The following UTS2 variants were observed in gnomAD, a reference collection of about 807,000 sequenced individuals.
UTS2 encodes urotensin 2.
UTS2 carries 10 observed loss-of-function variants against 12.6 expected under a neutral mutation model. The ratio of observed to expected loss-of-function variants is 0.80; its 90% CI spans 0.49 to 1.35. The LOEUF is 1.35. Ranked by LOEUF, UTS2 falls within the 40% of genes most tolerant of loss-of-function variation. The pLI is 0.00. For missense variants in UTS2, 142 were observed against 143.2 expected (o/e 0.99, Z 0.04); for synonymous variants, 52 against 50.0 (o/e 1.04, Z -0.17).
chr1:7,891,589 A>AAAGAAAG, the UTS2 span, among the ~76,000 whole-genome samples: 4 of 150,880 alleles, frequency 2.7e-5, no homozygotes, highest in African/African-American at 9.8e-5. Flanking sequence ...AGAAAGAAAG[A>AAAGAAAG]AAGAAAGAAA....
At chr1:7,912,046 A>G in the UTS2 span, among the ~76,000 whole-genome samples, 1 of 152,186 alleles carries the variant, frequency 6.6e-6, no homozygotes, top group African/African-American at 2.4e-5. Flanking sequence ...CTGGTCAAAT[A>G]CCATCTTATC....
At chr1:7,885,701 G>A in the UTS2 span, among the ~76,000 whole-genome samples, 1 of 152,058 alleles carries the variant, frequency 6.6e-6, no homozygotes, top group African/African-American at 2.4e-5. Context: ...GAGGGGCGGG[G>A]CCAAGGAGTG....
chr1:7,912,829 A>C, the UTS2 span, among the ~76,000 whole-genome samples: 1 of 152,164 alleles, frequency 6.6e-6, no homozygotes, highest in East Asian at 1.9e-4. Context: ...GCCAGGAGCC[A>C]GCAGTCCCCT....
chr1:7,847,723 A>AAGAT lies in UTS2; in HGVS notation c.*39_*42dup. ...AGCATTGTGTTATTTTTCATATTCT[A>AAGAT]AGATGGGTGTTTCTGAGCTGACTAA... On this transcript the variant is annotated 3_prime_UTR_variant, in exon 4 of 4. Coordinates refer to ENST00000361696, the MANE Select transcript of UTS2 (RefSeq NM_006786.4). The AAGAT allele has an allele frequency of 6.9e-7, 1 of 1,441,862 alleles. No individual in the cohort carries two copies. Among genetic ancestry groups the AAGAT allele is most frequent in the South Asian group, 1.2e-5 (1 of 83,890 alleles). 89.3% of individuals were successfully genotyped at this position (1,441,862 alleles called of 1,614,324 possible).
the UTS2 span, among the ~76,000 whole-genome samples, chr1:7,909,047 T>C: frequency 6.6e-6 from 1 of 152,018 alleles, no homozygotes; most frequent in African/African-American, 2.4e-5. Flanking sequence ...CATCTCGGCC[T>C]CCGAAAGTGC....
chr1:7,866,178 G>A, the UTS2 span, among the ~76,000 whole-genome samples: 1 of 152,152 alleles, frequency 6.6e-6, no homozygotes, highest in African/African-American at 2.4e-5. The surrounding 1 kb of genome is among the most constrained non-coding windows in gnomAD (Gnocchi z 4.5). Flanking sequence ...GGGTTGCTGT[G>A]GCCCGGGGTC....
chr1:7,867,253 T>C, the UTS2 span, among the ~76,000 whole-genome samples: 1 of 152,180 alleles, frequency 6.6e-6, no homozygotes, highest in South Asian at 2.1e-4. Context: ...TTAACACAGT[T>C]AGATATTGCC....
chr1:7,872,481 C>T, the UTS2 span, among the ~76,000 whole-genome samples: 1 of 152,086 alleles, frequency 6.6e-6, no homozygotes, highest in Non-Finnish European at 1.5e-5. Flanking sequence ...CCAGTGAACA[C>T]ATTAATGATA....
chr1:7,893,912 T>G, the UTS2 span, among the ~76,000 whole-genome samples: 1 of 152,200 alleles, frequency 6.6e-6, no homozygotes, highest in African/African-American at 2.4e-5. Context: ...TGGGAAATGA[T>G]AGATTCTTCT....
At chr1:7,900,814 TTTTTC>T in the UTS2 span, among the ~76,000 whole-genome samples, 76 of 152,216 alleles carry the variant, frequency 5.0e-4, no homozygotes, top group African/African-American at 1.7e-3. Flanking sequence ...TTTTTGCCTC[TTTTTC>T]TTTTACTGTC....
chr1:7,886,129 G>A, the UTS2 span, among the ~76,000 whole-genome samples: 2 of 151,340 alleles, frequency 1.3e-5, no homozygotes, highest in African/African-American at 2.4e-5. Context: ...CTTTGACGTC[G>A]GGAAGGTCTG....
chr1:7,862,991 T>C, the UTS2 span, among the ~76,000 whole-genome samples: 4 of 18,654 alleles, frequency 2.1e-4, no homozygotes, highest in South Asian at 1.7e-3. Context: ...TTGTGTTGTG[T>C]TGTATTGTAT....
chr1:7,871,514 G>A, the UTS2 span, among the ~76,000 whole-genome samples: 2 of 152,126 alleles, frequency 1.3e-5, no homozygotes, highest in Non-Finnish European at 2.9e-5. Context: ...ATGAGGGCAG[G>A]GCCGTGTCAG....
the UTS2 span, among the ~76,000 whole-genome samples, chr1:7,865,766 C>T: frequency 0.22 from 33,645 of 151,944 alleles, 4,479 homozygotes; most frequent in Middle Eastern, 0.36. Flanking sequence ...GACCCCATCT[C>T]TACAAATACA....
upstream of UTS2, among the ~76,000 whole-genome samples, chr1:7,856,819 G>GA (rs942326219): frequency 1.7e-5 from 2 of 119,940 alleles, no homozygotes; most frequent in Non-Finnish European, 4.0e-5. Context: ...CCAGCACTTT[G>GA]GGGGGCCGAG....
At chr1:7,907,470 A>C in the UTS2 span, among the ~76,000 whole-genome samples, 6 of 151,748 alleles carry the variant, frequency 4.0e-5, no homozygotes, top group Non-Finnish European at 5.9e-5. Context: ...TCATAGCAAG[A>C]CTTCATCTTT....
chr1:7,854,641 A>G (rs1270124529), upstream of UTS2, among the ~76,000 whole-genome samples: 2 of 152,140 alleles, frequency 1.3e-5, no homozygotes, highest in African/African-American at 2.4e-5. Context: ...CAAATCACAC[A>G]GGAAAAAAAT....
the UTS2 span, among the ~76,000 whole-genome samples, chr1:7,880,251 C>G: frequency 1.3e-5 from 2 of 152,126 alleles, no homozygotes; most frequent in East Asian, 3.9e-4. Flanking sequence ...GAGCAAGACC[C>G]TGTCTCAAAT....
At chr1:7,908,459 TCA>T in the UTS2 span, among the ~76,000 whole-genome samples, 1 of 85,056 alleles carries the variant, frequency 1.2e-5, no homozygotes. Context: ...AGACTCTGTC[TCA>T]AAAAAAAAAA....
Sources: gnomAD v4.1 joint callset for allele counts (sites outside exome capture counted in the v4.1 genomes callset) on GRCh38, gnomAD v4.1.1 for gene constraint, Gnocchi (gnomAD v3.1) non-coding constraint, MANE v1.5 for transcripts, NCBI Gene and HGNC (gene_info 2026-07-23, HGNC 2026-07-21) for gene names.